The following MCEE variants were observed in gnomAD, a reference collection of about 807,000 sequenced individuals.
MCEE encodes methylmalonyl-CoA epimerase, also known as methylmalonyl-CoA epimerase, mitochondrial.
A neutral mutation model predicts 12.9 loss-of-function variants in MCEE; 6 were observed. The ratio of observed to expected loss-of-function variants is 0.47; its 90% CI spans 0.26 to 0.92. The LOEUF is 0.92. Among genes scored for constraint, MCEE ranks in the 40% least tolerant of loss-of-function variants. The pLI is 0.16. For synonymous variants in MCEE, 78 were observed against 77.9 expected (o/e 1.00, Z -0.01); for missense variants, 214 against 212.1 (o/e 1.01, Z -0.05).
In MCEE at chr2:71,117,829, C is replaced by T. The variant is rs949498351; in HGVS notation, c.378+6377G>A. ...GCCAGGCTCCCATGATCCTTACTAC[C>T]TACTCATCTAACCAGCCCCTTCTCT... On this transcript the variant is annotated intron_variant, in intron 2 of 2. Coordinates refer to ENST00000244217, the MANE Select transcript of MCEE (RefSeq NM_032601.4). Among the ~76,000 whole-genome samples the T allele has an allele frequency of 2.7e-5, 4 of 150,074 alleles. 1 individual carries two copies. The highest frequency in any genetic ancestry group is 1.0e-4 in the African/African-American group (4 of 39,508).
intron 1 of MCEE, 69 bp downstream of exon 1, chr2:71,130,111 C>T: frequency 2.0e-6 from 3 of 1,519,628 alleles, no homozygotes; most frequent in Middle Eastern, 1.7e-4. Context: ...GCCGAGGCCT[C>T]CTCCGCCCCC....
chr2:71,110,220 C>A, intron 2 of MCEE, 98 bp from the exon 3 acceptor site: 1 of 969,512 alleles, frequency 1.0e-6, no homozygotes, highest in South Asian at 1.4e-5. Flanking sequence ...CTCATGCAGT[C>A]TATCTCCTCT....
At chr2:71,117,164 G>A (rs1458089190) in intron 2 of MCEE, among the ~76,000 whole-genome samples, 1 of 150,542 alleles carries the variant, frequency 6.6e-6, no homozygotes, top group African/African-American at 2.5e-5. Flanking sequence ...TTAAGTATTT[G>A]TTGTATTTGT....
At chr2:71,113,255 A>C (rs12993628) in intron 2 of MCEE, among the ~76,000 whole-genome samples, 41,627 of 152,098 alleles carry the variant, frequency 0.27, 6,074 homozygotes, top group Admixed American at 0.38. Flanking sequence ...TGAATTCTAT[A>C]ATATAGTTAT....
intron 2 of MCEE, among the ~76,000 whole-genome samples, chr2:71,120,738 AT>A (rs56309920): frequency 0.57 from 82,369 of 144,896 alleles, 25,374 homozygotes; most frequent in Middle Eastern, 0.7. Context: ...GTGGTTCAAC[AT>A]TTTTTTTTTT....
intron 1 of MCEE, among the ~76,000 whole-genome samples, chr2:71,126,946 T>G (rs746035588): frequency 2.0e-5 from 3 of 152,360 alleles, no homozygotes; most frequent in South Asian, 2.1e-4. Context: ...AGCTCTTTAG[T>G]TTTAGATTTC....
In MCEE at chr2:71,124,539, A is replaced by C; in HGVS notation, c.45T>G (p.Leu15=). Residue 15 remains leucine (L), a synonymous_variant, in exon 2 of 3, where the codon CTT becomes CTG. Coordinates refer to ENST00000244217, the MANE Select transcript of MCEE (RefSeq NM_032601.4). ...GAATGGGAGCTTGAAGTCTGGAAAA[A>C]AGCCCTGAAAAATTGAACAGCCATT... is the stretch of plus-strand genomic sequence containing the variant. ...LKAAAANAVG[L]FSRLQAPIPT... The C allele has an allele frequency of 1.9e-6, 3 of 1,613,606 alleles. No homozygotes were observed. Among genetic ancestry groups the C allele is most frequent in the Non-Finnish European group, 2.5e-6 (3 of 1,179,838 alleles).
intron 2 of MCEE, among the ~76,000 whole-genome samples, chr2:71,123,847 TTTTCA>T (rs1393815714): frequency 6.6e-6 from 1 of 152,222 alleles, no homozygotes; most frequent in Non-Finnish European, 1.5e-5. Flanking sequence ...CTTTAAAGTC[TTTTCA>T]TTTGTTTCTC....
At chr2:71,121,505 A>G (rs1166298400) in intron 2 of MCEE, among the ~76,000 whole-genome samples, 2 of 152,216 alleles carry the variant, frequency 1.3e-5, no homozygotes, top group African/African-American at 2.4e-5. Flanking sequence ...ACCACTGTTC[A>G]CACCTTCTCC....
intron 2 of MCEE, among the ~76,000 whole-genome samples, chr2:71,120,886 C>T (rs1233617086): frequency 3.3e-5 from 5 of 152,124 alleles, no homozygotes; most frequent in South Asian, 2.1e-4. Flanking sequence ...TACAGGTGTG[C>T]GCCGCCACGT....
intron 2 of MCEE, among the ~76,000 whole-genome samples, chr2:71,123,658 T>A (rs1003042069): frequency 6.6e-6 from 1 of 152,230 alleles, no homozygotes; most frequent in East Asian, 1.9e-4. Flanking sequence ...TGTTCTCTAA[T>A]GGACTTTTCT....
chr2:71,119,236 C>T (rs1673053238), intron 2 of MCEE, among the ~76,000 whole-genome samples: 1 of 150,440 alleles, frequency 6.6e-6, no homozygotes. Context: ...AACATCACCA[C>T]ACCTGGATGG....
intron 2 of MCEE, 124 bp downstream of exon 2, chr2:71,124,082 A>T (rs1274706696): frequency 2.8e-6 from 2 of 708,482 alleles, no homozygotes; most frequent in African/African-American, 3.6e-5. Flanking sequence ...GATGAATATT[A>T]TCATTCTCCT....
chr2:71,112,574 T>C (rs1672909761), intron 2 of MCEE, among the ~76,000 whole-genome samples: 1 of 151,842 alleles, frequency 6.6e-6, no homozygotes, highest in Non-Finnish European at 1.5e-5. Flanking sequence ...TAGCTAGGAT[T>C]ATAGGCATGT....
chr2:71,119,623 T>C (rs1321551756), intron 2 of MCEE, among the ~76,000 whole-genome samples: 4 of 150,432 alleles, frequency 2.7e-5, no homozygotes, highest in South Asian at 4.1e-4. Flanking sequence ...TGTGAATAAA[T>C]GAAGCAAGCA....
rs561613563 is a variant in MCEE, at chr2:71,118,776, T to C, written c.378+5430A>G. On this transcript the variant is annotated intron_variant, in intron 2 of 2. Coordinates refer to ENST00000244217, the MANE Select transcript of MCEE (RefSeq NM_032601.4). ...GGGTTATGATTTCGACATATGAATT[T>C]TGAGGGGACATAAGCATTTAGTTCT... Among the ~76,000 whole-genome samples, 18 of 150,276 alleles carry C rather than the reference T, an allele frequency of 1.2e-4. No homozygotes were observed. The South Asian group carries it at 3.3e-3, about 28-fold the overall frequency.
intron 2 of MCEE, among the ~76,000 whole-genome samples, chr2:71,113,729 A>G (rs1672936489): frequency 6.6e-6 from 1 of 152,232 alleles, no homozygotes; most frequent in Non-Finnish European, 1.5e-5. Context: ...CCATACTGAT[A>G]TAACTCTCTA....
intron 1 of MCEE, among the ~76,000 whole-genome samples, chr2:71,129,454 C>G (rs1673317016): frequency 6.8e-6 from 1 of 147,698 alleles, no homozygotes; most frequent in Non-Finnish European, 1.5e-5. Context: ...TAGGGAATCT[C>G]AGATTAAGGG....
chr2:71,116,671 C>G (rs1234804260), intron 2 of MCEE: 1 of 149,494 alleles, frequency 6.7e-6, no homozygotes, highest in Non-Finnish European at 1.5e-5. Flanking sequence ...CTCGGCCTCC[C>G]GAGTAACTGG....
Sources: gnomAD v4.1 joint callset for allele counts (sites outside exome capture counted in the v4.1 genomes callset) on GRCh38, gnomAD v4.1.1 for gene constraint, MANE v1.5 for transcripts, NCBI Gene and HGNC (gene_info 2026-07-23, HGNC 2026-07-21) for gene names.